ADGRG7: variants seen among roughly 807,000 people sequenced by gnomAD.
The protein encoded by ADGRG7 is G-protein coupled receptor 128.
Under a neutral mutation model 88.6 loss-of-function variants are expected in ADGRG7, and 82 were observed. The observed-to-expected ratio is 0.93, with a 90% CI of 0.77 to 1.11. The LOEUF (loss-of-function observed/expected upper bound fraction) is 1.11. ADGRG7 is among the 50% of genes most tolerant of loss of function. The pLI, the probability that ADGRG7 is intolerant of heterozygous loss-of-function variation, is 0.00. For synonymous variants in ADGRG7, 381 were observed against 345.2 expected, an observed-to-expected ratio of 1.10 and a Z score of -1.15; for missense variants, 945 against 953.4, an observed-to-expected ratio of 0.99 and a Z score of 0.12.
intron 15 of ADGRG7, among the ~76,000 whole-genome samples, chr3:100,686,258 A>G (rs1306748044): frequency 5.9e-5 from 9 of 152,008 alleles, no homozygotes; most frequent in South Asian, 2.1e-4. Context: ...TGAGTTCATT[A>G]TAGATTCTGG....
intron 4 of ADGRG7, among the ~76,000 whole-genome samples, chr3:100,634,470 T>G (rs1047134621): frequency 3.3e-5 from 5 of 152,342 alleles, no homozygotes; most frequent in Middle Eastern, 3.4e-3. Flanking sequence ...GTACACATTT[T>G]ATAGATGAGG....
rs12494380 is a variant in ADGRG7, at chr3:100,655,767, A to T, written c.1727-132A>T. The T allele has an allele frequency of 2.2e-5, 13 of 589,264 alleles. No homozygotes were observed. The Admixed American group carries it at 3.1e-4, about 14-fold the overall frequency. 36.5% of individuals were successfully genotyped at this position (589,264 alleles called of 1,614,324 possible). On this transcript the variant is annotated intron_variant, in intron 12 of 15. Transcript: ENST00000273352. ...ACTGTCGACCCACATCTGTAGGATCACTTTGTATATTGTCCATAGTGAAAA... is the reference window on the plus strand; with the variant it reads ...ACTGTCGACCCACATCTGTAGGATCTCTTTGTATATTGTCCATAGTGAAAA...
chr3:100,671,002 C>A (rs980646758), intron 15 of ADGRG7, among the ~76,000 whole-genome samples: 3 of 152,292 alleles, frequency 2.0e-5, no homozygotes, highest in African/African-American at 4.8e-5. Flanking sequence ...AATAGTGCTG[C>A]AATAAACATA....
intron 15 of ADGRG7, among the ~76,000 whole-genome samples, chr3:100,688,115 T>C (rs1252859569): frequency 1.3e-5 from 2 of 152,200 alleles, no homozygotes; most frequent in Admixed American, 1.3e-4. Context: ...GGAGAGTGTA[T>C]GTGTCGAGGA....
chr3:100,655,182 G>A lies in ADGRG7; in HGVS notation c.1726+1G>A. ...CTTTTCATCTCATTAATTGGATGGG[G>A]TAAGTGTTTGCATCTCCCCTTTCTC... On this transcript the variant is annotated splice_donor_variant, in intron 12 of 15. Transcript: ENST00000273352. LOFTEE classifies it high-confidence loss of function. 6.3e-7 allele frequency: 1 copy of A among 1,579,522 alleles called. No homozygotes were observed. The highest frequency in any genetic ancestry group is 8.6e-7 in the Non-Finnish European group (1 of 1,156,332).
chr3:100,676,932 G>A (rs986440573), intron 15 of ADGRG7, among the ~76,000 whole-genome samples: 1 of 151,626 alleles, frequency 6.6e-6, no homozygotes, highest in Non-Finnish European at 1.5e-5. Context: ...CTCTTTTTCG[G>A]TTTCTGTGGA....
At chr3:100,689,639 A>T (rs920106619) in intron 15 of ADGRG7, among the ~76,000 whole-genome samples, 6 of 152,164 alleles carry the variant, frequency 3.9e-5, no homozygotes, top group Non-Finnish European at 8.8e-5. Flanking sequence ...TATGAAGCTT[A>T]GTTTGGCTGG....
intron 15 of ADGRG7, among the ~76,000 whole-genome samples, chr3:100,687,805 C>G (rs898657257): frequency 2.0e-5 from 3 of 152,060 alleles, no homozygotes; most frequent in Admixed American, 2.0e-4. Flanking sequence ...ATTTTTGCAT[C>G]GATGTTCATC....
At position 100,635,763 on chromosome 3, in the gene ADGRG7, C is replaced by T; in HGVS notation, c.534C>T (p.Asn178=). 1 of 1,613,992 alleles carries T rather than the reference C, an allele frequency of 6.2e-7. No homozygotes were observed. Among genetic ancestry groups the T allele is most frequent in the Non-Finnish European group, 8.5e-7 (1 of 1,179,904 alleles). The change falls in exon 5 of 16, where the codon AAC becomes AAT. Residue 178 remains asparagine, a synonymous_variant. Coordinates refer to ENST00000273352, the MANE Select transcript of ADGRG7 (RefSeq NM_032787.3). ...TSDANKLTAE[N]ITSATRVVGQ... ...ATGCCAATAAATTAACTGCTGAGAACATCACTAGTGCTACGCGAGTGGTTG... is the reference window on the plus strand; with the variant it reads ...ATGCCAATAAATTAACTGCTGAGAATATCACTAGTGCTACGCGAGTGGTTG...
intron 13 of ADGRG7, among the ~76,000 whole-genome samples, chr3:100,658,547 A>G (rs990772883): frequency 1.3e-5 from 2 of 152,128 alleles, no homozygotes; most frequent in African/African-American, 4.8e-5. Flanking sequence ...CAGCCACACT[A>G]GCCTTTTTTT....
chr3:100,617,901 G>A (rs569655055), intron 1 of ADGRG7, among the ~76,000 whole-genome samples: 5 of 152,116 alleles, frequency 3.3e-5, no homozygotes, highest in East Asian at 3.9e-4. Context: ...TTTCATGATC[G>A]CCATTGTAAC....
intron 15 of ADGRG7, among the ~76,000 whole-genome samples, chr3:100,677,448 T>C: frequency 6.6e-6 from 1 of 152,146 alleles, no homozygotes; most frequent in East Asian, 1.9e-4. Context: ...CATCTTTTCA[T>C]CTTTCTGCTC....
In ADGRG7 at chr3:100,643,384, G is replaced by A. The variant is rs755784886; in HGVS notation, c.817G>A (p.Val273Ile). 8.7e-6 allele frequency: 14 copies of A among 1,613,898 alleles called. No individual in the cohort carries two copies. The highest frequency in any genetic ancestry group is 2.2e-5 in the South Asian group (2 of 91,070). Residue 273 changes from valine to isoleucine, a missense_variant, in exon 7 of 16, where the codon GTT becomes ATT. Transcript: ENST00000273352. ...SSENAVGPSNVRFSVQKGASS... is the reference protein window; with the variant it reads ...SSENAVGPSNIRFSVQKGASS... ...AGAAAATGCGGTGGGGCCTTCAAAT[G>A]TTCGCTTCTCTGTGCAGAAAGGTGA...
At chr3:100,648,188 CT>C (rs1388027980) in intron 10 of ADGRG7, among the ~76,000 whole-genome samples, 1 of 152,012 alleles carries the variant, frequency 6.6e-6, no homozygotes, top group Non-Finnish European at 1.5e-5. Context: ...TATCTTTTCC[CT>C]TTCTTGAGGT....
chr3:100,640,402 G>C (rs542870554), intron 6 of ADGRG7, among the ~76,000 whole-genome samples: 2 of 152,326 alleles, frequency 1.3e-5, no homozygotes, highest in Admixed American at 1.3e-4. Flanking sequence ...AAAGGGAGGA[G>C]AGTGACAGAG....
intron 6 of ADGRG7, 143 bp downstream of exon 6, chr3:100,637,545 C>A: frequency 1.6e-6 from 1 of 627,080 alleles, no homozygotes; most frequent in Non-Finnish European, 2.8e-6. Flanking sequence ...AGAGCTGTGA[C>A]TTTCCACTTG....
intron 1 of ADGRG7, among the ~76,000 whole-genome samples, chr3:100,625,837 A>G (rs539109040): frequency 6.6e-6 from 1 of 152,244 alleles, no homozygotes; most frequent in South Asian, 2.1e-4. Context: ...ACATTTATTG[A>G]TTTGCATATG....
rs578171751 is a variant in ADGRG7 at position 100,646,507 on chromosome 3, AT to A, written c.1111-54del. 1.4e-3 allele frequency: 1,982 copies of A among 1,379,878 alleles called. 14 individuals carry two copies. The African/African-American group carries it at 0.015, about 10-fold the overall frequency. 85.5% of individuals were successfully genotyped at this position (1,379,878 alleles called of 1,614,324 possible). On this transcript the variant is annotated intron_variant, in intron 9 of 15. Coordinates refer to ENST00000273352, the MANE Select transcript of ADGRG7 (RefSeq NM_032787.3). ...TCAGATGACTGTCTTATACTACTTG[AT>A]TTTTTTTAACCCAATTAAGTATTTA...
chr3:100,666,286 C>T (rs775471542), intron 14 of ADGRG7, among the ~76,000 whole-genome samples: 1 of 152,024 alleles, frequency 6.6e-6, no homozygotes, highest in Admixed American at 6.6e-5. Context: ...TGGAGGATCC[C>T]GCCAGCCTCT....
Sources: allele counts gnomAD v4.1 joint callset (sites outside exome capture counted in the v4.1 genomes callset), GRCh38; gene constraint gnomAD v4.1.1; transcripts MANE v1.5; gene names NCBI Gene and HGNC (gene_info 2026-07-23, HGNC 2026-07-21).